Variants in SORCS2 observed in about 807,000 individuals in gnomAD.
SORCS2 encodes the protein VPS10 domain-containing receptor SorCS2.
SORCS2 carries 100 observed loss-of-function variants against 141.6 expected under a neutral mutation model. That is an observed-to-expected ratio of 0.71 (90% CI 0.60 to 0.83). The LOEUF is 0.83. Among genes scored for constraint, SORCS2 ranks in the 40% least tolerant of loss-of-function variants. SORCS2 has a pLI of 0.00. For missense variants in SORCS2, 1,646 were observed against 1,560.2 expected (o/e 1.05, Z -0.93); for synonymous variants, 789 against 676.9 (o/e 1.17, Z -2.57).
intron 8 of SORCS2, among the ~76,000 whole-genome samples, chr4:7,673,710 A>G (rs143662508): frequency 6.6e-6 from 1 of 152,146 alleles, no homozygotes; most frequent in East Asian, 1.9e-4. Flanking sequence ...TACCCAATGC[A>G]TTTACCCAGG....
At chr4:7,204,127 G>T (rs1345736850) in intron 1 of SORCS2, among the ~76,000 whole-genome samples, 1 of 152,170 alleles carries the variant, frequency 6.6e-6, no homozygotes. Context: ...GTGAACATGG[G>T]TGTGCAGATA....
At chr4:7,296,895 C>T (rs568690719) in intron 1 of SORCS2, among the ~76,000 whole-genome samples, 29 of 152,308 alleles carry the variant, frequency 1.9e-4, no homozygotes, top group Non-Finnish European at 3.8e-4. Context: ...ACTCCCCAGC[C>T]CCCTCTGGCC....
At chr4:7,434,102 G>A (rs571192262) in intron 2 of SORCS2, 1 of 1,611,804 alleles carries the variant, frequency 6.2e-7, no homozygotes, top group African/African-American at 1.3e-5. Flanking sequence ...AAACGGGCAG[G>A]TGCCCCTAGC....
intron 3 of SORCS2, among the ~76,000 whole-genome samples, chr4:7,616,101 C>T (rs1577844483): frequency 1.3e-5 from 2 of 152,280 alleles, no homozygotes; most frequent in East Asian, 3.9e-4. Context: ...CCTATAGGAA[C>T]AGGTTTTCAA....
At chr4:7,619,174 CG>C (rs1431819324) in intron 3 of SORCS2, among the ~76,000 whole-genome samples, 6 of 152,192 alleles carry the variant, frequency 3.9e-5, no homozygotes, top group Non-Finnish European at 7.3e-5. Context: ...AGACAAGATG[CG>C]TGTGCCACTC....
intron 4 of SORCS2, among the ~76,000 whole-genome samples, chr4:7,650,710 C>G (rs1322691142): frequency 4.2e-5 from 5 of 118,782 alleles, no homozygotes; most frequent in African/African-American, 1.5e-4. Context: ...CTCTCCAGCC[C>G]TCTCTCCCCG....
At chr4:7,498,172 C>T (rs944757468) in intron 2 of SORCS2, among the ~76,000 whole-genome samples, 33 of 152,170 alleles carry the variant, frequency 2.2e-4, no homozygotes, top group African/African-American at 7.7e-4. Flanking sequence ...CCTCCTAGTC[C>T]TCCCTTAGCC....
chr4:7,718,471 G>C (rs1324904269), intron 18 of SORCS2, among the ~76,000 whole-genome samples: 2 of 152,342 alleles, frequency 1.3e-5, no homozygotes, highest in African/African-American at 4.8e-5. Flanking sequence ...ACATCGGGTG[G>C]GGGAGGGTGT....
chr4:7,602,281 G>A (rs2108794659), intron 3 of SORCS2, among the ~76,000 whole-genome samples: 1 of 151,942 alleles, frequency 6.6e-6, no homozygotes, highest in African/African-American at 2.4e-5. Flanking sequence ...CCCGGACGGG[G>A]TGGCTGGCCG....
chr4:7,537,965 G>A (rs146785224), intron 3 of SORCS2, among the ~76,000 whole-genome samples: 1 of 152,138 alleles, frequency 6.6e-6, no homozygotes, highest in Non-Finnish European at 1.5e-5. Flanking sequence ...CAGGTTGGGC[G>A]ACACAGTGAG....
intron 1 of SORCS2, among the ~76,000 whole-genome samples, chr4:7,257,862 C>T (rs187206352): frequency 3.4e-4 from 52 of 152,308 alleles, no homozygotes; most frequent in Admixed American, 8.5e-4. Flanking sequence ...CGAGAGGCGC[C>T]GACAGGAGAT....
chr4:7,199,355 C>T lies in SORCS2; in HGVS notation c.480+6229C>T, dbSNP rs185990249. On this transcript the variant is annotated intron_variant, in intron 1 of 26. Transcript: ENST00000507866. The stretch of plus-strand genomic sequence containing the variant: ...GGTGGGGCAGGGGAAGCTCAGTTCA[C>T]CTGGGGAGGGGGTCACATGGGCCAC... Among the ~76,000 whole-genome samples the T allele has an allele frequency of 1.1e-3, 164 of 152,220 alleles. 2 individuals carry two copies. The highest frequency in any genetic ancestry group is 3.8e-3 in the African/African-American group (158 of 41,532).
chr4:7,662,479 G>C (rs1722238962), intron 6 of SORCS2, among the ~76,000 whole-genome samples: 1 of 152,136 alleles, frequency 6.6e-6, no homozygotes, highest in Admixed American at 6.5e-5. Context: ...ACTCTCCAGG[G>C]CCTGCAACTC....
chr4:7,494,953 C>T (rs958367030), intron 2 of SORCS2, among the ~76,000 whole-genome samples: 2 of 152,178 alleles, frequency 1.3e-5, no homozygotes, highest in African/African-American at 4.8e-5. Context: ...TGGAGCTGCC[C>T]GGCTGGGGGC....
intron 2 of SORCS2, among the ~76,000 whole-genome samples, chr4:7,438,979 G>A (rs77823872): frequency 0.035 from 5,373 of 152,160 alleles, 117 homozygotes; most frequent in African/African-American, 0.06. Context: ...TCCAGCACAG[G>A]GCATGTTCCA....
At chr4:7,448,153 G>A (rs56314116) in intron 2 of SORCS2, among the ~76,000 whole-genome samples, 29,079 of 152,198 alleles carry the variant, frequency 0.19, 3,114 homozygotes, top group African/African-American at 0.28. Flanking sequence ...CTGAGGCACA[G>A]TTGTGTTTCG....
At chr4:7,434,935 C>G in intron 2 of SORCS2, 1 of 1,467,160 alleles carries the variant, frequency 6.8e-7, no homozygotes, top group Non-Finnish European at 9.0e-7. Flanking sequence ...TGCTATAAAC[C>G]TGGCTCTCCT....
At chr4:7,397,865 C>T (rs1198151612) in intron 2 of SORCS2, among the ~76,000 whole-genome samples, 1 of 152,208 alleles carries the variant, frequency 6.6e-6, no homozygotes, top group Non-Finnish European at 1.5e-5. Context: ...GTCAAGTCTT[C>T]TTCCAGCAAA....
At chr4:7,413,934 G>A (rs759728521) in intron 2 of SORCS2, among the ~76,000 whole-genome samples, 2 of 152,080 alleles carry the variant, frequency 1.3e-5, no homozygotes, top group East Asian at 1.9e-4. Flanking sequence ...GGATTCTGGC[G>A]TGGCTTTGGG....
Sources: gnomAD v4.1 joint callset for allele counts (sites outside exome capture counted in the v4.1 genomes callset) on GRCh38, gnomAD v4.1.1 for gene constraint, MANE v1.5 for transcripts, NCBI Gene and HGNC (gene_info 2026-07-23, HGNC 2026-07-21) for gene names.